IGF1R: variants seen among roughly 807,000 people sequenced by gnomAD.
The protein encoded by IGF1R is insulin like growth factor 1 receptor, also known as insulin-like growth factor 1 receptor.
IGF1R carries 44 observed loss-of-function variants against 144.6 expected under a neutral mutation model. That is an observed-to-expected ratio of 0.30 (90% CI 0.24 to 0.39). The LOEUF (loss-of-function observed/expected upper bound fraction) is 0.39, where lower values mean the gene tolerates loss of function less well. Ranked by LOEUF, IGF1R falls within the 10% of genes least tolerant of loss-of-function variation. The probability of loss-of-function intolerance (pLI) is 1.00; values close to 1 mark genes in which losing one functional copy is unlikely to be tolerated. For missense variants in IGF1R, 1,355 were observed against 1,833.7 expected, an observed-to-expected ratio of 0.74 and a Z score of 4.77; for synonymous variants, 795 against 722.8, an observed-to-expected ratio of 1.10 and a Z score of -1.60.
intron 2 of IGF1R, among the ~76,000 whole-genome samples, chr15:98,780,082 A>C (rs2055818689): frequency 6.7e-6 from 1 of 149,694 alleles, no homozygotes; most frequent in South Asian, 2.1e-4. Context: ...GAATGGAGCC[A>C]GGTGGCTATT....
intron 1 of IGF1R, among the ~76,000 whole-genome samples, chr15:98,656,760 C>G (rs1246844655): frequency 1.3e-5 from 2 of 152,314 alleles, no homozygotes; most frequent in Middle Eastern, 3.4e-3. Context: ...GTAAGAGTTA[C>G]ATAATACGAA....
chr15:98,862,647 A>C (rs971569037), intron 2 of IGF1R, among the ~76,000 whole-genome samples: 1 of 152,206 alleles, frequency 6.6e-6, no homozygotes, highest in Admixed American at 6.5e-5. Context: ...CAAGGAATGC[A>C]AAGTTAAGTG....
At chr15:98,725,513 A>G (rs1304981629) in intron 2 of IGF1R, among the ~76,000 whole-genome samples, 3 of 152,186 alleles carry the variant, frequency 2.0e-5, no homozygotes, top group Non-Finnish European at 4.4e-5. Context: ...GGAATGAGGT[A>G]AACCTCCAGG....
chr15:98,951,815 A>G (rs2016785981), intron 20 of IGF1R, among the ~76,000 whole-genome samples: 1 of 152,156 alleles, frequency 6.6e-6, no homozygotes, highest in Non-Finnish European at 1.5e-5. Flanking sequence ...GGCTAAAAAA[A>G]TGTTTTTGGC....
At chr15:98,708,766 C>A (rs559285383) in intron 2 of IGF1R, among the ~76,000 whole-genome samples, 84 of 152,276 alleles carry the variant, frequency 5.5e-4, no homozygotes, top group Non-Finnish European at 9.8e-4. Context: ...TAGCAGGGTG[C>A]ATTTTTAAAC....
At chr15:98,902,415 CTTTTTTTTTTT>C (rs11434197) in intron 5 of IGF1R, among the ~76,000 whole-genome samples, 1 of 119,846 alleles carries the variant, frequency 8.3e-6, no homozygotes, top group East Asian at 2.4e-4. Flanking sequence ...TTTTCTTGAA[CTTTTTTTTTTT>C]TTTTTTTTTG....
At chr15:98,942,442 T>C (rs4966047) in intron 18 of IGF1R, among the ~76,000 whole-genome samples, 38,784 of 152,054 alleles carry the variant, frequency 0.26, 5,838 homozygotes, top group South Asian at 0.41. Flanking sequence ...CAAGTGATTC[T>C]TCCACCTTAG....
At chr15:98,798,391 AG>A (rs2056294018) in intron 2 of IGF1R, among the ~76,000 whole-genome samples, 1 of 152,220 alleles carries the variant, frequency 6.6e-6, no homozygotes, top group African/African-American at 2.4e-5. Flanking sequence ...AGGGCCCTGG[AG>A]GCCACGGTGA....
intron 2 of IGF1R, among the ~76,000 whole-genome samples, chr15:98,765,101 TA>T (rs1483773568): frequency 2.0e-5 from 3 of 152,164 alleles, no homozygotes; most frequent in African/African-American, 7.2e-5. Flanking sequence ...TCACTTAGCA[TA>T]ATATTTTTAA....
intron 1 of IGF1R, among the ~76,000 whole-genome samples, chr15:98,684,829 A>G (rs1276453296): frequency 6.6e-6 from 1 of 151,962 alleles, no homozygotes; most frequent in Non-Finnish European, 1.5e-5. Flanking sequence ...ATTTGGGGCA[A>G]ATTATTTCGT....
chr15:98,684,213 G>T (rs1481874878), intron 1 of IGF1R, among the ~76,000 whole-genome samples: 1 of 152,156 alleles, frequency 6.6e-6, no homozygotes, highest in Non-Finnish European at 1.5e-5. Context: ...TCTGTGTTAT[G>T]AACAACTTGC....
intron 1 of IGF1R, among the ~76,000 whole-genome samples, chr15:98,701,591 G>A (rs981732449): frequency 4.0e-5 from 6 of 151,846 alleles, no homozygotes; most frequent in African/African-American, 1.2e-4. Context: ...CTACCGCCTC[G>A]GCCTCCCACA....
At chr15:98,955,988 C>T (rs117745923) in intron 20 of IGF1R, among the ~76,000 whole-genome samples, 2,844 of 152,342 alleles carry the variant, frequency 0.019, 41 homozygotes, top group Non-Finnish European at 0.029. Context: ...TAAGAGAGGG[C>T]TGTTGGCGGT....
chr15:98,779,771 A>C (rs899303276), intron 2 of IGF1R, among the ~76,000 whole-genome samples: 1 of 152,214 alleles, frequency 6.6e-6, no homozygotes. Flanking sequence ...CTCTGGAACC[A>C]CAGCCCTCCA....
In IGF1R at chr15:98,784,070, GT is replaced by G. The variant is rs1332626783; in HGVS notation, c.640+75965del. 2.1e-5 allele frequency among the ~76,000 whole-genome samples: 3 copies of G among 144,402 alleles called. No homozygotes were observed. In the Admixed American group the frequency reaches 2.2e-4, roughly 11 times the overall value. The allele number at this position is 144,402 out of a possible 152,430, so 94.7% of individuals were successfully genotyped here. A position where few individuals can be genotyped will look rare whatever the true frequency, so the allele number is the denominator to read the frequency against. On this transcript the variant is annotated intron_variant, in intron 2 of 20. Coordinates refer to ENST00000650285, the MANE Select transcript of IGF1R (RefSeq NM_000875.5). ...GCTCACTGCAGCCTCTGGCTTCCGG[GT>G]TCAAGCGATTCTCCTGCCTCAGCCT...
intron 2 of IGF1R, among the ~76,000 whole-genome samples, chr15:98,754,263 T>C (rs1325764115): frequency 6.6e-6 from 1 of 152,174 alleles, no homozygotes; most frequent in Non-Finnish European, 1.5e-5. Flanking sequence ...TCCCTGATGT[T>C]TTCTTTCTGC....
chr15:98,881,992 G>A (rs2013408029), intron 2 of IGF1R, among the ~76,000 whole-genome samples: 1 of 152,180 alleles, frequency 6.6e-6, no homozygotes, highest in African/African-American at 2.4e-5. Context: ...TGAACAAGAA[G>A]ACCTGGAACT....
intron 2 of IGF1R, among the ~76,000 whole-genome samples, chr15:98,742,506 T>C (rs1158934758): frequency 6.6e-6 from 1 of 152,086 alleles, no homozygotes. Context: ...GTGGCAGTGT[T>C]TGTAACACTT....
At chr15:98,841,782 G>A (rs757869678) in intron 2 of IGF1R, among the ~76,000 whole-genome samples, 2 of 152,294 alleles carry the variant, frequency 1.3e-5, no homozygotes, top group Non-Finnish European at 2.9e-5. Context: ...TCTGCTGCAC[G>A]GGCAGGAGGA....
Sources: allele counts gnomAD v4.1 joint callset (sites outside exome capture counted in the v4.1 genomes callset), GRCh38; gene constraint gnomAD v4.1.1; transcripts MANE v1.5; gene names NCBI Gene and HGNC (gene_info 2026-07-23, HGNC 2026-07-21).